The following HLA-F variants were observed in gnomAD, a reference collection of about 807,000 sequenced individuals.
The protein encoded by HLA-F is HLA class I histocompatibility antigen, alpha chain F.
A neutral mutation model predicts 49.5 loss-of-function variants in HLA-F; 46 were observed. The ratio of observed to expected loss-of-function variants is 0.93; its 90% confidence interval spans 0.73 to 1.19. The LOEUF (loss-of-function observed/expected upper bound fraction) is 1.19. Ranked by LOEUF, HLA-F falls within the 50% of genes most tolerant of loss-of-function variation. The pLI is 0.00. For missense variants in HLA-F, 496 were observed against 579.6 expected (o/e 0.86, Z 1.48); for synonymous variants, 203 against 233.5 (o/e 0.87, Z 1.19).
At chr6:29,737,331 A>G (rs577118356) in intron 3 of HLA-F, among the ~76,000 whole-genome samples, 2 of 152,090 alleles carry the variant, frequency 1.3e-5, no homozygotes, top group South Asian at 4.2e-4. Flanking sequence ...TTGGGGTGCA[A>G]TCTGCAAAAT....
intron 3 of HLA-F, chr6:29,736,694 A>ACGGC: frequency 3.7e-6 from 1 of 270,460 alleles, no homozygotes. Flanking sequence ...CTAATATGAT[A>ACGGC]GATTAGTTCT....
intron 4 of HLA-F, 27 bp from the exon 5 acceptor site, chr6:29,725,420 G>T: frequency 6.2e-7 from 1 of 1,610,922 alleles, no homozygotes; most frequent in African/African-American, 1.3e-5. Context: ...GGAGATCAGG[G>T]CCCCTCACCT....
In HLA-F at chr6:29,727,174, G is replaced by A; in HGVS notation, c.1328G>A (p.Ter443=). Residue 443 remains the stop codon, a stop_retained_variant, in exon 7 of 7, where the codon TGA becomes TAA. Coordinates refer to ENST00000259951, the MANE Select transcript of HLA-F (RefSeq NM_001098479.2). The part of the protein sequence containing the change: ...MKRVQIKIFD[*] ...AGGGTCCAGATTAAGATTTTTGACT[G>A]AGTCATTCTAAAGTAAGTTGCAAGA... 6.4e-7 allele frequency: 1 copy of A among 1,573,874 alleles called. No homozygotes were observed. The highest frequency in any genetic ancestry group is 8.6e-7 in the Non-Finnish European group (1 of 1,165,310).
downstream of HLA-F, among the ~76,000 whole-genome samples, chr6:29,731,750 A>T (rs755367549): frequency 3.3e-5 from 5 of 151,902 alleles, no homozygotes; most frequent in Non-Finnish European, 5.9e-5. Flanking sequence ...AAAATTAACC[A>T]TTACAGTCAG....
intron 3 of HLA-F, among the ~76,000 whole-genome samples, 182 bp downstream of exon 3, chr6:29,724,630 T>C (rs1401381241): frequency 6.6e-6 from 1 of 151,978 alleles, no homozygotes; most frequent in Non-Finnish European, 1.5e-5. Flanking sequence ...TCCGCCCTGC[T>C]CTCTGGGACA....
chr6:29,729,061 G>T (rs2127592981), downstream of HLA-F: 1 of 152,210 alleles, frequency 6.6e-6, no homozygotes, highest in African/African-American at 2.4e-5. Context: ...GGCTCCTTAT[G>T]TGAGCAAGCA....
intron 6 of HLA-F, chr6:29,726,558 A>T: frequency 7.4e-7 from 1 of 1,359,936 alleles, no homozygotes; most frequent in Non-Finnish European, 9.6e-7. Flanking sequence ...CATGCACGTA[A>T]ATGTGTGTGT....
chr6:29,724,152 C>T (rs2127585051), intron 2 of HLA-F, 21 bp from the exon 3 acceptor site: 1 of 1,612,594 alleles, frequency 6.2e-7, no homozygotes, highest in East Asian at 2.2e-5. Context: ...CTGGGCGGGG[C>T]TGACTGCGGG....
At chr6:29,724,733 C>T (rs2127586590) in intron 3 of HLA-F, among the ~76,000 whole-genome samples, 1 of 152,244 alleles carries the variant, frequency 6.6e-6, no homozygotes, top group African/African-American at 2.4e-5. Flanking sequence ...AGCCTTGGGC[C>T]CCGTGACTTT....
rs527644576 is a variant in HLA-F at position 29,724,354 on chromosome 6, A to G, written c.516A>G (p.Glu172=). 1 of 1,612,902 alleles carries G rather than the reference A, an allele frequency of 6.2e-7. No homozygotes were observed. The highest frequency in any genetic ancestry group is 2.2e-5 in the East Asian group (1 of 44,876). The change falls in exon 3 of 7, where the codon GAA becomes GAG. Residue 172 remains glutamate (E), a synonymous_variant. Coordinates refer to ENST00000259951, the MANE Select transcript of HLA-F (RefSeq NM_001098479.2). ...QITQRFYEAE[E]YAEEFRTYLE... ...CCCAGCGCTTCTATGAGGCAGAGGA[A>G]TATGCAGAGGAGTTCAGGACCTACC...
rs746523064 is a variant in HLA-F, at chr6:29,726,943, G to T, written c.1097G>T (p.Gly366Val). The change falls in exon 7 of 7, where the codon GGG (glycine) becomes GTG (valine). Residue 366 changes from glycine to valine, a missense_variant. Gly to Val is a moderately radical substitution (Grantham distance 109). Coordinates refer to ENST00000259951, the MANE Select transcript of HLA-F (RefSeq NM_001098479.2). ...ITWWSSLFLL[G>V]VLFQGYLGCL... ...TGGTGGTCAAGCTTATTTCTCCTGG[G>T]GGTGCTCTTCCAAGGATATTTGGGC... The T allele has an allele frequency of 1.2e-6, 2 of 1,611,146 alleles. No homozygotes were observed. The highest frequency in any genetic ancestry group is 1.7e-6 in the Non-Finnish European group (2 of 1,179,924).
intron 3 of HLA-F, chr6:29,735,808 G>A (rs1354053015): frequency 6.6e-6 from 1 of 152,002 alleles, no homozygotes; most frequent in Admixed American, 6.6e-5. Context: ...GCTTGATGTT[G>A]TCTCACAGAT....
downstream of HLA-F, among the ~76,000 whole-genome samples, chr6:29,730,753 C>T (rs1776503841): frequency 6.6e-6 from 1 of 152,140 alleles, no homozygotes; most frequent in Admixed American, 6.6e-5. Context: ...AAAATTAGGA[C>T]ATATCCTATG....
chr6:29,736,706 T>C (rs1777134097), intron 3 of HLA-F: 1 of 264,048 alleles, frequency 3.8e-6, no homozygotes, highest in African/African-American at 2.3e-5. Context: ...ATTAGTTCTG[T>C]CAGTTCTGGA....
chr6:29,731,227 G>GGATGGATAGATAGATAGATA (rs1212859904), downstream of HLA-F, among the ~76,000 whole-genome samples: 1 of 131,240 alleles, frequency 7.6e-6, no homozygotes, highest in Non-Finnish European at 1.6e-5. Context: ...TAGAGTAGAT[G>GGATGGATAGATAGATAGATA]GATACATAGA....
chr6:29,725,543 T>C lies in HLA-F; in HGVS notation c.983T>C (p.Met328Thr). The change falls in exon 5 of 7, where the codon ATG (methionine) becomes ACG (threonine). Residue 328 changes from methionine to threonine, a missense_variant. By Grantham distance (81) the Met-to-Thr change is moderately conservative (BLOSUM62 -1). Transcript: ENST00000259951. ...ACTGGAGCTGTGGTCGCTGCTGTGA[T>C]GTGGAGGAAGAAGAGCTCAGGTAGG... Reference protein sequence around the residue: ...VVTGAVVAAVMWRKKSSDRNR... With the variant: ...VVTGAVVAAVTWRKKSSDRNR... 6.2e-7 allele frequency: 1 copy of C among 1,614,098 alleles called. No homozygotes were observed. Among genetic ancestry groups the C allele is most frequent in the Non-Finnish European group, 8.5e-7 (1 of 1,179,952 alleles).
Position 29,724,259 on chromosome 6 carries a change from G to C in HLA-F, c.421G>C (p.Gly141Arg), listed in dbSNP as rs768639769. 2.5e-6 allele frequency: 4 copies of C among 1,613,164 alleles called. No homozygotes were observed. The highest frequency in any genetic ancestry group is 1.7e-5 in the Admixed American group (1 of 60,010). ...CGGGTATCACCAGCACGCGTACGAC[G>C]GCAAGGATTACATCTCCCTGAACGA... Reference protein sequence around the residue: ...LRGYHQHAYDGKDYISLNEDL... With the variant: ...LRGYHQHAYDRKDYISLNEDL... The change falls in exon 3 of 7, where the codon GGC becomes CGC. Residue 141 changes from glycine (G) to arginine (R), a missense_variant. Transcript: ENST00000259951.
downstream of HLA-F, among the ~76,000 whole-genome samples, chr6:29,731,524 TGAGA>T (rs9278280): frequency 0.17 from 25,198 of 150,268 alleles, 2,400 homozygotes; most frequent in South Asian, 0.3. Context: ...TGTCCCAGAT[TGAGA>T]GAGAGAGAGA....
intron 6 of HLA-F, 184 bp from the exon 7 acceptor site, chr6:29,726,699 C>A: frequency 7.7e-7 from 1 of 1,300,508 alleles, no homozygotes; most frequent in Non-Finnish European, 1.1e-6. Context: ...TGGCAACAAC[C>A]AAAGCATCGT....
Sources: gnomAD v4.1 joint callset for allele counts (sites outside exome capture counted in the v4.1 genomes callset) on GRCh38, gnomAD v4.1.1 for gene constraint, MANE v1.5 for transcripts, NCBI Gene and HGNC (gene_info 2026-07-23, HGNC 2026-07-21) for gene names.